TNRC6B: variants seen among roughly 807,000 people sequenced by gnomAD.
TNRC6B encodes trinucleotide repeat containing adaptor 6B, also known as trinucleotide repeat-containing gene 6B protein.
In TNRC6B, 52 loss-of-function variants were observed where a neutral mutation model predicts 203.6. The observed-to-expected ratio is 0.26, with a 90% CI of 0.20 to 0.32. TNRC6B has a LOEUF of 0.32. Ranked by LOEUF, TNRC6B falls within the 10% of genes least tolerant of loss-of-function variation. TNRC6B has a pLI of 1.00. For missense variants in TNRC6B, 1,923 were observed against 2,286.2 expected, an observed-to-expected ratio of 0.84 and a Z score of 3.24; for synonymous variants, 838 against 845.7, an observed-to-expected ratio of 0.99 and a Z score of 0.16.
At position 40,204,929 on chromosome 22, in the gene TNRC6B, C is replaced by T. The variant is rs920484102; in HGVS notation, c.5+26789C>T. On this transcript the variant is annotated intron_variant, in intron 1 of 22. Transcript: ENST00000454349. ...CCAGTGAAATTAATGACATTAAACACTTTCATCAGTTATTATTGTGAAAGT... is the reference window on the plus strand; with the variant it reads ...CCAGTGAAATTAATGACATTAAACATTTTCATCAGTTATTATTGTGAAAGT... Among the ~76,000 whole-genome samples the T allele has an allele frequency of 3.4e-4, 51 of 152,208 alleles. 2 individuals are homozygous for T. The highest frequency in any genetic ancestry group is 9.7e-5 in the African/African-American group (4 of 41,450).
intron 1 of TNRC6B, among the ~76,000 whole-genome samples, chr22:40,100,066 T>C (rs9611264): frequency 1.2e-5 from 1 of 81,352 alleles, no homozygotes. Flanking sequence ...ATTTTATTTT[T>C]ATTATTTATT....
At chr22:40,260,131 A>G (rs1488619861) in intron 3 of TNRC6B, among the ~76,000 whole-genome samples, 1 of 152,220 alleles carries the variant, frequency 6.6e-6, no homozygotes, top group Non-Finnish European at 1.5e-5. Context: ...AAAAAAATCA[A>G]ATGATTTAAA....
rs950436239 is a variant in TNRC6B at position 40,322,711 on chromosome 22, C to A, written c.5115-143C>A. 4.2e-6 allele frequency: 4 copies of A among 954,530 alleles called. No individual in the cohort carries two copies. In the African/African-American group the frequency reaches 6.6e-5, roughly 16 times the overall value. The allele number at this position is 954,530 out of a possible 1,614,324, so 59.1% of individuals were successfully genotyped here. On this transcript the variant is annotated intron_variant, in intron 22 of 22. Transcript: ENST00000454349. ...CCAGAGGTCTTGGGTGGAGCTTGGA[C>A]TTTGCATTCTAAAAAGCGTTCATGG...
chr22:40,171,644 C>T (rs975579389), intron 4 of TNRC6B, among the ~76,000 whole-genome samples: 1 of 152,118 alleles, frequency 6.6e-6, no homozygotes, highest in African/African-American at 2.4e-5. Context: ...TGGAAAGCAA[C>T]TAATGGATAA....
intron 1 of TNRC6B, among the ~76,000 whole-genome samples, chr22:40,191,825 A>C (rs1266155584): frequency 6.6e-6 from 1 of 152,202 alleles, no homozygotes; most frequent in African/African-American, 2.4e-5. Context: ...ATCTCAGCTC[A>C]CTGCAACCTC....
chr22:40,332,788 G>A lies in TNRC6B; in HGVS notation c.*9547G>A, dbSNP rs758445783. 1.2e-4 allele frequency: 19 copies of A among 152,500 alleles called. No homozygotes were observed. Among genetic ancestry groups the A allele is most frequent in the Admixed American group, 9.8e-4 (15 of 15,274 alleles). The allele number at this position is 152,500 out of a possible 1,614,324, so 9.4% of individuals were successfully genotyped here. ...CTCCTCTCTCCTTTCTGACATCAGT[G>A]GATTATCCTTTTTAAAATATGAACA... On this transcript the variant is annotated 3_prime_UTR_variant, in exon 23 of 23. Transcript: ENST00000454349.
intron 1 of TNRC6B, among the ~76,000 whole-genome samples, chr22:40,055,002 G>C (rs2067781218): frequency 6.6e-6 from 1 of 152,084 alleles, no homozygotes; most frequent in Non-Finnish European, 1.5e-5. Context: ...GCACCATTAA[G>C]CTCCAGCCTG....
intron 12 of TNRC6B, among the ~76,000 whole-genome samples, chr22:40,299,508 G>A (rs1271690022): frequency 6.6e-6 from 1 of 152,100 alleles, no homozygotes; most frequent in African/African-American, 2.4e-5. Context: ...TGAAGTGCTG[G>A]GATTACAGGC....
At chr22:40,320,345 T>C (rs1456580667) in intron 21 of TNRC6B, among the ~76,000 whole-genome samples, 2 of 152,178 alleles carry the variant, frequency 1.3e-5, no homozygotes, top group Non-Finnish European at 2.9e-5. Flanking sequence ...CCGGGAGTTG[T>C]GGTGTGCGCC....
chr22:40,144,923 A>C (rs2068677813), intron 3 of TNRC6B, among the ~76,000 whole-genome samples: 1 of 151,912 alleles, frequency 6.6e-6, no homozygotes, highest in Non-Finnish European at 1.5e-5. Context: ...GCTTGAAGGT[A>C]CAACCATATC....
At chr22:40,278,163 C>A in intron 9 of TNRC6B, 119 bp downstream of exon 9, 1 of 789,692 alleles carries the variant, frequency 1.3e-6, no homozygotes, top group Non-Finnish European at 2.2e-6. Flanking sequence ...TGAGCACTTA[C>A]TCTTTGTAAG....
intron 1 of TNRC6B, among the ~76,000 whole-genome samples, chr22:40,051,563 C>T (rs529043453): frequency 6.6e-6 from 1 of 152,322 alleles, no homozygotes; most frequent in Non-Finnish European, 1.5e-5. Context: ...ACTGATCTTC[C>T]TGAAACAGTG....
intron 4 of TNRC6B, among the ~76,000 whole-genome samples, chr22:40,159,931 C>T (rs1248263994): frequency 6.6e-6 from 1 of 151,920 alleles, no homozygotes; most frequent in Non-Finnish European, 1.5e-5. Context: ...TTTGCCTCAG[C>T]TTCCTGAGTG....
chr22:40,312,384 C>G, intron 17 of TNRC6B, 121 bp from the exon 18 acceptor site: 1 of 1,044,650 alleles, frequency 9.6e-7, no homozygotes, highest in Non-Finnish European at 1.3e-6. Context: ...TGATGAAAAT[C>G]TAAGAGACAA....
intron 11 of TNRC6B, among the ~76,000 whole-genome samples, chr22:40,282,510 G>T (rs749468205): frequency 1.3e-5 from 2 of 152,070 alleles, no homozygotes; most frequent in East Asian, 1.9e-4. Context: ...TTGAATCGAG[G>T]TATAGAAAAC....
chr22:40,162,288 G>C (rs893045405), intron 4 of TNRC6B, among the ~76,000 whole-genome samples: 1 of 152,040 alleles, frequency 6.6e-6, no homozygotes, highest in Non-Finnish European at 1.5e-5. Flanking sequence ...TAGAGACGGG[G>C]TTTCACCGTG....
intron 1 of TNRC6B, among the ~76,000 whole-genome samples, chr22:40,058,507 C>T (rs1484014982): frequency 6.6e-6 from 1 of 151,448 alleles, no homozygotes; most frequent in Non-Finnish European, 1.5e-5. Flanking sequence ...TCAACCGATG[C>T]AGCACGTTAG....
At chr22:40,192,197 G>A (rs143750315) in intron 1 of TNRC6B, among the ~76,000 whole-genome samples, 18 of 152,300 alleles carry the variant, frequency 1.2e-4, no homozygotes, top group East Asian at 1.9e-4. Flanking sequence ...ATTTTATCCC[G>A]TAGAAAGCAG....
intron 1 of TNRC6B, among the ~76,000 whole-genome samples, chr22:40,072,671 C>T (rs2067961453): frequency 6.6e-6 from 1 of 152,002 alleles, no homozygotes; most frequent in Non-Finnish European, 1.5e-5. Context: ...TGAGACCAGC[C>T]TGGCCAACAT....
Sources: allele counts gnomAD v4.1 joint callset (sites outside exome capture counted in the v4.1 genomes callset), GRCh38; gene constraint gnomAD v4.1.1; transcripts MANE v1.5; gene names NCBI Gene and HGNC (gene_info 2026-07-23, HGNC 2026-07-21).